The following SPTLC3 variants were observed in gnomAD, a reference collection of about 807,000 sequenced individuals.
The protein encoded by SPTLC3 is serine palmitoyltransferase 3.
A neutral mutation model predicts 59.3 loss-of-function variants in SPTLC3; 36 were observed. The observed-to-expected ratio is 0.61, with a 90% CI of 0.47 to 0.80. The LOEUF is 0.80. Ranked by LOEUF, SPTLC3 falls within the 30% of genes least tolerant of loss-of-function variation. SPTLC3 has a pLI of 0.00. For missense variants in SPTLC3, 625 were observed against 685.1 expected, an observed-to-expected ratio of 0.91 and a Z score of 0.98; for synonymous variants, 257 against 240.8, an observed-to-expected ratio of 1.07 and a Z score of -0.62.
At chr20:13,137,309 C>T (rs117782107) in intron 9 of SPTLC3, among the ~76,000 whole-genome samples, 4,175 of 152,240 alleles carry the variant, frequency 0.027, 82 homozygotes, top group Non-Finnish European at 0.041. Flanking sequence ...TAGAATTCTA[C>T]TTGCACGTTA....
chr20:13,088,854 C>G (rs1446303133), intron 4 of SPTLC3, among the ~76,000 whole-genome samples: 1 of 141,162 alleles, frequency 7.1e-6, no homozygotes, highest in Non-Finnish European at 1.5e-5. Flanking sequence ...TGGTCTTGAA[C>G]TCCTGACCTT....
intron 6 of SPTLC3, among the ~76,000 whole-genome samples, chr20:13,099,601 C>G (rs931179662): frequency 6.6e-6 from 1 of 152,310 alleles, no homozygotes; most frequent in Middle Eastern, 3.4e-3. Flanking sequence ...AAACAGACCC[C>G]TTGAGAGCAG....
intron 3 of SPTLC3, among the ~76,000 whole-genome samples, chr20:13,072,651 C>T (rs1988488845): frequency 1.3e-5 from 2 of 152,168 alleles, no homozygotes; most frequent in Admixed American, 1.3e-4. Context: ...AGGTGCAGGA[C>T]ACACCAAGCC....
intron 9 of SPTLC3, among the ~76,000 whole-genome samples, chr20:13,131,818 T>C (rs2038126437): frequency 6.6e-6 from 1 of 152,174 alleles, no homozygotes; most frequent in Non-Finnish European, 1.5e-5. Flanking sequence ...ACTCATACCA[T>C]GTCACTTCCC....
intron 7 of SPTLC3, among the ~76,000 whole-genome samples, chr20:13,117,258 G>T (rs1046208827): frequency 7.9e-5 from 12 of 152,214 alleles, no homozygotes; most frequent in African/African-American, 2.9e-4. Context: ...CTGATTGTTT[G>T]CTTGAGAATT....
At chr20:13,083,691 T>A (rs779717722) in intron 4 of SPTLC3, among the ~76,000 whole-genome samples, 1 of 152,196 alleles carries the variant, frequency 6.6e-6, no homozygotes, top group Non-Finnish European at 1.5e-5. Context: ...TCCTTTTTTT[T>A]ATTACCAAGT....
At chr20:13,142,454 T>A (rs2122889772) in intron 9 of SPTLC3, among the ~76,000 whole-genome samples, 1 of 152,346 alleles carries the variant, frequency 6.6e-6, no homozygotes, top group East Asian at 1.9e-4. Flanking sequence ...GGGGAACTGG[T>A]ATTCCACACT....
intron 1 of SPTLC3, among the ~76,000 whole-genome samples, chr20:13,030,016 A>G (rs1470381163): frequency 3.3e-5 from 5 of 152,178 alleles, no homozygotes; most frequent in African/African-American, 1.2e-4. Flanking sequence ...CTCAGCAAGG[A>G]GGTGCAAGAA....
At chr20:13,118,141 T>G (rs1223733168) in intron 8 of SPTLC3, among the ~76,000 whole-genome samples, 1 of 152,036 alleles carries the variant, frequency 6.6e-6, no homozygotes. Context: ...TTCTGAAAAC[T>G]ATAAGCATTA....
At chr20:13,115,414 C>T (rs993860243) in intron 7 of SPTLC3, among the ~76,000 whole-genome samples, 1 of 152,134 alleles carries the variant, frequency 6.6e-6, no homozygotes, top group African/African-American at 2.4e-5. Flanking sequence ...TCAGCTAGAC[C>T]AGCCCCATGG....
intron 1 of SPTLC3, among the ~76,000 whole-genome samples, chr20:13,025,286 C>T (rs1986088450): frequency 6.6e-6 from 1 of 152,186 alleles, no homozygotes; most frequent in African/African-American, 2.4e-5. Context: ...ACCCACACAG[C>T]TGGCAGGTAG....
At chr20:13,075,491 A>G (rs539750411) in intron 4 of SPTLC3, among the ~76,000 whole-genome samples, 2 of 152,346 alleles carry the variant, frequency 1.3e-5, no homozygotes, top group South Asian at 2.1e-4. Context: ...CACATTGAAC[A>G]AAGTAGGTAC....
intron 7 of SPTLC3, 42 bp from the exon 8 acceptor site, chr20:13,117,464 G>A (rs1267434418): frequency 1.3e-6 from 2 of 1,518,586 alleles, no homozygotes; most frequent in African/African-American, 1.4e-5. Flanking sequence ...AGCTTCCCAG[G>A]AGGGTATTTG....
intron 8 of SPTLC3, 53 bp downstream of exon 8, chr20:13,117,778 C>A: frequency 6.7e-7 from 1 of 1,487,758 alleles, no homozygotes. Context: ...CTGGGGATGC[C>A]GTGTGTAGGG....
chr20:13,025,706 T>C (rs557193234), intron 1 of SPTLC3, among the ~76,000 whole-genome samples: 21 of 152,314 alleles, frequency 1.4e-4, no homozygotes, highest in Admixed American at 5.2e-4. Context: ...AGGTTGCATA[T>C]TGGTTGACCT....
rs6033629 is a variant in SPTLC3 at position 13,155,007 on chromosome 20, C to A, written c.1415+869C>A. Among the ~76,000 whole-genome samples, 268 of 151,886 alleles carry A rather than the reference C, an allele frequency of 1.8e-3. 3 individuals are homozygous for A. Among genetic ancestry groups the A allele is most frequent in the African/African-American group, 6.2e-3 (258 of 41,396 alleles). On this transcript the variant is annotated intron_variant, in intron 10 of 11. Coordinates refer to ENST00000399002, the MANE Select transcript of SPTLC3 (RefSeq NM_018327.4). ...ACCAGCCTGGCCAACATGGTGAGAC[C>A]CTGTCTCTACTAAAAATACAAAAAT...
At chr20:13,159,786 C>T (rs957450964) in intron 10 of SPTLC3, among the ~76,000 whole-genome samples, 3 of 152,112 alleles carry the variant, frequency 2.0e-5, no homozygotes, top group African/African-American at 7.2e-5. Flanking sequence ...ATACCACACA[C>T]ACACCATCAT....
intron 4 of SPTLC3, among the ~76,000 whole-genome samples, chr20:13,081,446 T>C (rs1269421516): frequency 1.3e-5 from 2 of 152,186 alleles, no homozygotes; most frequent in Non-Finnish European, 2.9e-5. Flanking sequence ...CAAAGATTTG[T>C]AGCTAGGTCT....
chr20:13,066,144 G>A (rs979244207), intron 2 of SPTLC3, among the ~76,000 whole-genome samples: 1 of 152,188 alleles, frequency 6.6e-6, no homozygotes, highest in African/African-American at 2.4e-5. Context: ...GATTTCACAC[G>A]TAAGTGAGAT....
Sources: allele counts gnomAD v4.1 joint callset (sites outside exome capture counted in the v4.1 genomes callset), GRCh38; gene constraint gnomAD v4.1.1; transcripts MANE v1.5; gene names NCBI Gene and HGNC (gene_info 2026-07-23, HGNC 2026-07-21).